PHF5A: variants seen among roughly 807,000 people sequenced by gnomAD.
PHF5A encodes the protein PHD finger-like domain-containing protein 5A.
For synonymous variants in PHF5A, 52 were observed against 46.0 expected (o/e 1.13, Z -0.52); for missense variants, 24 against 140.6 (o/e 0.17, Z 4.19).
chr22:41,460,663 G>A (rs2037820187), intron 3 of PHF5A, among the ~76,000 whole-genome samples, 176 bp from the exon 4 acceptor site: 2 of 151,048 alleles, frequency 1.3e-5, no homozygotes, highest in African/African-American at 4.9e-5. Context: ...CTATGATGAT[G>A]CCTGTGAATA....
In PHF5A at chr22:41,460,623, G is replaced by A. The variant is rs1295909431; in HGVS notation, c.244-136C>T. 7.5e-6 allele frequency: 4 copies of A among 533,404 alleles called. No individual in the cohort carries two copies. In the Admixed American group the frequency reaches 9.8e-5, roughly 13 times the overall value. The allele number at this position is 533,404 out of a possible 1,614,324, so 33.0% of individuals were successfully genotyped here. ...ACTCGAAGGCCGAGGCAGGAGGATT[G>A]CTGAAGCCCAGGAGTTCGAGACTAG... On this transcript the variant is annotated intron_variant, in intron 3 of 3. Coordinates refer to ENST00000216252, the MANE Select transcript of PHF5A (RefSeq NM_032758.4).
intron 1 of PHF5A, 102 bp from the exon 2 acceptor site, chr22:41,468,249 CAGTG>C: frequency 1.8e-6 from 2 of 1,137,164 alleles, no homozygotes. Context: ...GTAAGGACTG[CAGTG>C]AGTGAGACCT....
chr22:41,468,084 G>C, intron 2 of PHF5A, 40 bp downstream of exon 2: 3 of 1,610,852 alleles, frequency 1.9e-6, no homozygotes, highest in Non-Finnish European at 2.5e-6. Context: ...AAAACTGGGA[G>C]TGGGAAGGGT....
chr22:41,465,334 C>T (rs897394374), intron 3 of PHF5A, among the ~76,000 whole-genome samples: 1 of 151,914 alleles, frequency 6.6e-6, no homozygotes, highest in Non-Finnish European at 1.5e-5. Flanking sequence ...TGTGCCACCA[C>T]GTATTTTTAG....
rs2037816043 is a variant in PHF5A at position 41,460,193 on chromosome 22, T to G, written c.*205A>C. Reference sequence around the variant, plus strand: ...CTATCAAGTTTTCTCCGATATGGTGTGCCAGAGTGCTCTGTGAAGAATCCT... The same window carrying G: ...CTATCAAGTTTTCTCCGATATGGTGGGCCAGAGTGCTCTGTGAAGAATCCT... On this transcript the variant is annotated 3_prime_UTR_variant, in exon 4 of 4. Coordinates refer to ENST00000216252, the MANE Select transcript of PHF5A (RefSeq NM_032758.4). 2 of 466,864 alleles carry G rather than the reference T, an allele frequency of 4.3e-6. No homozygotes were observed. Among genetic ancestry groups the G allele is most frequent in the African/African-American group, 1.9e-5 (1 of 51,376 alleles). The allele number at this position is 466,864 out of a possible 1,614,324, so 28.9% of individuals were successfully genotyped here. A position where few individuals can be genotyped will look rare whatever the true frequency, so the allele number is the denominator to read the frequency against.
chr22:41,463,577 T>C (rs1252297622), intron 3 of PHF5A, among the ~76,000 whole-genome samples: 1 of 147,338 alleles, frequency 6.8e-6, no homozygotes, highest in Non-Finnish European at 1.5e-5. Context: ...AACAAAAAAT[T>C]AGCCAGGCGT....
rs907044992 is a variant in PHF5A, at chr22:41,460,571, T to C, written c.244-84A>G. On this transcript the variant is annotated intron_variant, in intron 3 of 3. Coordinates refer to ENST00000216252, the MANE Select transcript of PHF5A (RefSeq NM_032758.4). ...GATAAAAAATTTAAGCCCAGTGTGG[T>C]AGCATGTGCCTTTAGTCCCAGCTAC... The C allele has an allele frequency of 4.9e-5, 53 of 1,090,320 alleles. No homozygotes were observed. The Admixed American group carries it at 1.1e-3, about 22-fold the overall frequency. 67.5% of individuals were successfully genotyped at this position (1,090,320 alleles called of 1,614,324 possible).
In PHF5A at chr22:41,467,523, C is replaced by A; in HGVS notation, c.168G>T (p.Gly56=). Residue 56 remains glycine, a synonymous_variant, in exon 3 of 4, where the codon GGG becomes GGT. Transcript: ENST00000216252. ...CDECNYGSYQ[G]RCVICGGPGV... is the part of the protein sequence containing the mutation. The stretch of plus-strand genomic sequence containing the variant: ...CAGGTCCTCCACAGATCACACAGCG[C>A]CCCTGGTAAGATCCATAGTTACACT... The A allele has an allele frequency of 1.2e-6, 2 of 1,614,176 alleles. No homozygotes were observed. The highest frequency in any genetic ancestry group is 1.7e-6 in the Non-Finnish European group (2 of 1,180,036).
intron 3 of PHF5A, 86 bp from the exon 4 acceptor site, chr22:41,460,573 G>T: frequency 9.4e-7 from 1 of 1,066,058 alleles, no homozygotes; most frequent in Non-Finnish European, 1.4e-6. Flanking sequence ...CAGTGTGGTA[G>T]CATGTGCCTT....
chr22:41,463,602 G>C (rs971367691), intron 3 of PHF5A, among the ~76,000 whole-genome samples: 1 of 90,746 alleles, frequency 1.1e-5, no homozygotes, highest in African/African-American at 4.3e-5. Flanking sequence ...GTGCACGCCT[G>C]TAATCCCAGC....
chr22:41,467,617 G>A lies in PHF5A; in HGVS notation c.77-3C>T. Reference sequence around the variant, plus strand: ...ACAAATCACACACTTGCCATCACCTGTAAGGAAGAGAATGGAGTCATGCTC... The same window carrying A: ...ACAAATCACACACTTGCCATCACCTATAAGGAAGAGAATGGAGTCATGCTC... On this transcript the variant is annotated splice_polypyrimidine_tract_variant and splice_region_variant and intron_variant, in intron 2 of 3. Transcript: ENST00000216252. The A allele has an allele frequency of 3.1e-6, 5 of 1,614,030 alleles. No homozygotes were observed. The African/African-American group carries it at 4.0e-5, about 13-fold the overall frequency.
intron 3 of PHF5A, among the ~76,000 whole-genome samples, chr22:41,466,533 C>G (rs564768171): frequency 1.3e-5 from 2 of 152,178 alleles, no homozygotes; most frequent in East Asian, 1.9e-4. Flanking sequence ...ATGGGCTGTA[C>G]AGGACTTATA....
chr22:41,467,310 C>T, intron 3 of PHF5A, 138 bp downstream of exon 3: 1 of 828,602 alleles, frequency 1.2e-6, no homozygotes. Flanking sequence ...CCCAGTTTGA[C>T]TCACAGAACT....
At chr22:41,460,535 G>C (rs2037819016) in intron 3 of PHF5A, 48 bp from the exon 4 acceptor site, 12 of 1,474,832 alleles carry the variant, frequency 8.1e-6, no homozygotes, top group Non-Finnish European at 1.1e-5. Context: ...CCTGAACCAA[G>C]AGTGACTTAA....
intron 3 of PHF5A, 53 bp downstream of exon 3, chr22:41,467,395 A>G (rs1260934407): frequency 6.4e-7 from 1 of 1,568,762 alleles, no homozygotes; most frequent in Non-Finnish European, 8.7e-7. Context: ...AGTGGATGGC[A>G]AAGTGTTACT....
intron 3 of PHF5A, among the ~76,000 whole-genome samples, chr22:41,461,087 C>T (rs181633751): frequency 2.9e-4 from 44 of 152,096 alleles, no homozygotes; most frequent in African/African-American, 1.0e-3. Flanking sequence ...GCAGGAGAAT[C>T]GTTTGAACCC....
rs1324232008 is a variant in PHF5A at position 41,459,797 on chromosome 22, G to A, written c.*601C>T. ...ATTTCTCAAAAGGAAAATAATATGAGACTAGTGGGCTATGATGATGCCTGT... is the reference window on the plus strand; with the variant it reads ...ATTTCTCAAAAGGAAAATAATATGAAACTAGTGGGCTATGATGATGCCTGT... On this transcript the variant is annotated 3_prime_UTR_variant, in exon 4 of 4. Coordinates refer to ENST00000216252, the MANE Select transcript of PHF5A (RefSeq NM_032758.4). 6.6e-6 allele frequency: 1 copy of A among 151,492 alleles called. No individual in the cohort carries two copies. The highest frequency in any genetic ancestry group is 2.0e-4 in the East Asian group (1 of 5,126). The allele number at this position is 151,492 out of a possible 1,614,324, so 9.4% of individuals were successfully genotyped here. A position where few individuals can be genotyped will look rare whatever the true frequency, so the allele number is the denominator to read the frequency against.
At position 41,460,378 on chromosome 22, in the gene PHF5A, AG is replaced by A. The variant is rs764027890; in HGVS notation, c.*19del. On this transcript the variant is annotated 3_prime_UTR_variant, in exon 4 of 4. Coordinates refer to ENST00000216252, the MANE Select transcript of PHF5A (RefSeq NM_032758.4). ...GCTGCAGCAGACTGATGTTGGGGGG[AG>A]GAAGGGGCCACCCACCAATCACCTC... 1.1e-4 allele frequency: 168 copies of A among 1,573,792 alleles called. 1 individual carries two copies. Among genetic ancestry groups the A allele is most frequent in the South Asian group, 7.9e-4 (68 of 86,526 alleles).
In PHF5A at chr22:41,459,808, TATG is replaced by T. The variant is rs1041368420; in HGVS notation, c.*587_*589del. 4 of 151,444 alleles carry T rather than the reference TATG, an allele frequency of 2.6e-5. No homozygotes were observed. Among genetic ancestry groups the T allele is most frequent in the African/African-American group, 9.7e-5 (4 of 41,144 alleles). The allele number at this position is 151,444 out of a possible 1,614,324, so 9.4% of individuals were successfully genotyped here. A position where few individuals can be genotyped will look rare whatever the true frequency, so the allele number is the denominator to read the frequency against. On this transcript the variant is annotated 3_prime_UTR_variant, in exon 4 of 4. Transcript: ENST00000216252. ...GGAAAATAATATGAGACTAGTGGGC[TATG>T]ATGATGCCTGTGAATAGCCAGCTAC...
Sources: gnomAD v4.1 joint callset for allele counts (sites outside exome capture counted in the v4.1 genomes callset) on GRCh38, gnomAD v4.1.1 for gene constraint, MANE v1.5 for transcripts, NCBI Gene and HGNC (gene_info 2026-07-23, HGNC 2026-07-21) for gene names.